Variants in TBC1D8 observed in about 807,000 individuals in gnomAD.
The protein encoded by TBC1D8 is TBC1 domain family member 8.
Under a neutral mutation model 118.8 loss-of-function variants are expected in TBC1D8, and 65 were observed. That is an observed-to-expected ratio of 0.55 (90% CI 0.45 to 0.67). The LOEUF (loss-of-function observed/expected upper bound fraction) is 0.67, where lower values mean the gene tolerates loss of function less well. TBC1D8 is among the 30% of genes least tolerant of loss of function. The pLI is 0.00. For missense variants in TBC1D8, 1,376 were observed against 1,471.2 expected (o/e 0.94, Z 1.06); for synonymous variants, 566 against 595.8 (o/e 0.95, Z 0.73).
intron 1 of TBC1D8, among the ~76,000 whole-genome samples, chr2:101,132,304 G>C (rs148479039): frequency 6.6e-6 from 1 of 152,056 alleles, no homozygotes; most frequent in African/African-American, 2.4e-5. Context: ...CTATGAATGG[G>C]GACACTGTCC....
At chr2:101,092,350 C>T (rs2105459176) in intron 1 of TBC1D8, among the ~76,000 whole-genome samples, 1 of 152,304 alleles carries the variant, frequency 6.6e-6, no homozygotes, top group South Asian at 2.1e-4. Context: ...TGGCAGATGA[C>T]CTCTACTTGT....
chr2:101,017,951 T>A (rs1006500114), intron 17 of TBC1D8: 1 of 1,549,724 alleles, frequency 6.5e-7, no homozygotes, highest in African/African-American at 1.4e-5. Context: ...TCTTCTCTAC[T>A]TGGTGAAAAG....
chr2:101,098,921 A>AAATCAAT (rs1676647901), intron 1 of TBC1D8, among the ~76,000 whole-genome samples: 1 of 152,156 alleles, frequency 6.6e-6, no homozygotes, highest in South Asian at 2.1e-4. Flanking sequence ...GAAAGATCTC[A>AAATCAAT]AATCAATACC....
At chr2:101,030,878 G>C (rs182600748) in intron 11 of TBC1D8, among the ~76,000 whole-genome samples, 6 of 152,334 alleles carry the variant, frequency 3.9e-5, no homozygotes. Context: ...ACGGAAGCCA[G>C]ACACAAAAGA....
chr2:101,058,332 T>C (rs1449767272), intron 3 of TBC1D8, among the ~76,000 whole-genome samples: 1 of 152,242 alleles, frequency 6.6e-6, no homozygotes, highest in Non-Finnish European at 1.5e-5. Flanking sequence ...AAATCTGCTT[T>C]GACACCCTTT....
intron 1 of TBC1D8, among the ~76,000 whole-genome samples, chr2:101,105,226 GC>G (rs1345722717): frequency 3.9e-5 from 6 of 151,946 alleles, no homozygotes; most frequent in African/African-American, 1.5e-4. Flanking sequence ...GAAAGTACTT[GC>G]AAAACACGTC....
intron 1 of TBC1D8, among the ~76,000 whole-genome samples, chr2:101,122,174 T>A (rs1678143800): frequency 6.7e-6 from 1 of 150,054 alleles, no homozygotes; most frequent in Admixed American, 6.6e-5. Context: ...TGGGTTCAAG[T>A]GATTCTCCTG....
intron 9 of TBC1D8, among the ~76,000 whole-genome samples, chr2:101,035,022 G>A (rs1680916322): frequency 6.6e-6 from 1 of 152,228 alleles, no homozygotes; most frequent in Admixed American, 6.5e-5. Flanking sequence ...GGGGGCTGGG[G>A]GGGAGACAGG....
At chr2:101,052,955 C>T (rs1410069838) in intron 4 of TBC1D8, among the ~76,000 whole-genome samples, 1 of 152,236 alleles carries the variant, frequency 6.6e-6, no homozygotes, top group East Asian at 1.9e-4. Context: ...GCTCCACCTA[C>T]ACCACCAACT....
At chr2:101,087,327 A>C (rs1401599430) in intron 2 of TBC1D8, among the ~76,000 whole-genome samples, 1 of 152,078 alleles carries the variant, frequency 6.6e-6, no homozygotes. Context: ...GAGTCCAGCC[A>C]AATAAGAGAT....
rs535403545 is a variant in TBC1D8, at chr2:101,038,471, T to A, written c.1265A>T (p.Asp422Val). 11 of 1,613,588 alleles carry A rather than the reference T, an allele frequency of 6.8e-6. No homozygotes were observed. The East Asian group carries it at 2.2e-4, about 33-fold the overall frequency. The change falls in exon 7 of 20, where the codon GAT (aspartate) becomes GTT (valine). Residue 422 changes from aspartate to valine, a missense_variant. By Grantham distance (152) the Asp-to-Val change is radical. Coordinates refer to ENST00000409318, the MANE Select transcript of TBC1D8 (RefSeq NM_001330348.2). ...NHPVHYDTSA[D>V]DDMASLVFHS... ...CTGGAGGGACCATACCATGTCATCA[T>A]CCGCAGAGGTGTCGTAGTGCACGGG...
chr2:101,116,491 C>T (rs535830452), intron 1 of TBC1D8, among the ~76,000 whole-genome samples: 5 of 152,226 alleles, frequency 3.3e-5, no homozygotes, highest in African/African-American at 1.2e-4. Context: ...GCCCACTTGC[C>T]TCTTACAGGC....
In TBC1D8 at chr2:101,022,529, C is replaced by G. The variant is rs1553399148; in HGVS notation, c.2521-8G>C. 1.9e-6 allele frequency: 3 copies of G among 1,587,634 alleles called. No individual in the cohort carries two copies. The highest frequency in any genetic ancestry group is 2.3e-5 in the South Asian group (2 of 85,878). On this transcript the variant is annotated splice_polypyrimidine_tract_variant and splice_region_variant and intron_variant, in intron 15 of 19. Coordinates refer to ENST00000409318, the MANE Select transcript of TBC1D8 (RefSeq NM_001330348.2). ...GCTCATCATATGTTCTCTCTTCAAA[C>G]AAGAGGGGGAAAGGGAGTTCTTACC...
At chr2:101,032,419 G>C (rs778059578) in intron 10 of TBC1D8, 34 bp from the exon 11 acceptor site, 2 of 1,570,102 alleles carry the variant, frequency 1.3e-6, no homozygotes, top group Admixed American at 3.4e-5. Context: ...GTTACTGACT[G>C]GCCCATGTGA....
intron 1 of TBC1D8, among the ~76,000 whole-genome samples, chr2:101,133,646 C>T (rs1176219954): frequency 1.3e-5 from 2 of 152,094 alleles, no homozygotes; most frequent in East Asian, 3.9e-4. Flanking sequence ...TCTAAGAGCA[C>T]TAATCACAAT....
intron 1 of TBC1D8, among the ~76,000 whole-genome samples, chr2:101,093,257 A>G (rs752431619): frequency 4.6e-5 from 7 of 152,196 alleles, no homozygotes; most frequent in Non-Finnish European, 7.3e-5. Flanking sequence ...TTTAGGGATC[A>G]AAAGTTATAT....
chr2:101,111,358 T>C lies in TBC1D8; in HGVS notation c.128-20994A>G, dbSNP rs181416347. Among the ~76,000 whole-genome samples, 17 of 152,280 alleles carry C rather than the reference T, an allele frequency of 1.1e-4. No homozygotes were observed. The East Asian group carries it at 3.1e-3, about 28-fold the overall frequency. Reference sequence around the variant, plus strand: ...GCAGGATGCTCCGGCGGTGGCAACCTGAGAAGCTCACCGTTTATAACTAAG... The same window carrying C: ...GCAGGATGCTCCGGCGGTGGCAACCCGAGAAGCTCACCGTTTATAACTAAG... On this transcript the variant is annotated intron_variant, in intron 1 of 19. Transcript: ENST00000409318.
At chr2:101,128,155 T>C (rs1026582887) in intron 1 of TBC1D8, among the ~76,000 whole-genome samples, 2 of 152,218 alleles carry the variant, frequency 1.3e-5, no homozygotes, top group African/African-American at 4.8e-5. Context: ...TAGATGTAAC[T>C]GAGAACATGT....
intron 5 of TBC1D8, among the ~76,000 whole-genome samples, chr2:101,047,175 C>G (rs1681762533): frequency 6.6e-6 from 1 of 152,214 alleles, no homozygotes; most frequent in South Asian, 2.1e-4. Flanking sequence ...CCCCTGCGCC[C>G]TGTGAGGGCT....
Sources: allele counts gnomAD v4.1 joint callset (sites outside exome capture counted in the v4.1 genomes callset), GRCh38; gene constraint gnomAD v4.1.1; transcripts MANE v1.5; gene names NCBI Gene and HGNC (gene_info 2026-07-23, HGNC 2026-07-21).